Variants in KMO observed in about 807,000 individuals in gnomAD.
KMO encodes the protein kynurenine 3-hydroxylase.
In KMO, 24 loss-of-function variants were observed where a neutral mutation model predicts 57.8. The ratio of observed to expected loss-of-function variants is 0.42; its 90% CI spans 0.30 to 0.58. The LOEUF (loss-of-function observed/expected upper bound fraction) is 0.58, where lower values mean the gene tolerates loss of function less well. Among genes scored for constraint, KMO ranks in the 20% least tolerant of loss-of-function variants. KMO has a pLI of 0.22. For synonymous variants in KMO, 210 were observed against 193.6 expected, an observed-to-expected ratio of 1.08 and a Z score of -0.70; for missense variants, 483 against 588.2, an observed-to-expected ratio of 0.82 and a Z score of 1.85.
At chr1:241,585,788 AAG>A (rs1662953894) in intron 10 of KMO, among the ~76,000 whole-genome samples, 1 of 151,714 alleles carries the variant, frequency 6.6e-6, no homozygotes, top group Non-Finnish European at 1.5e-5. Context: ...AAAAACCAAA[AAG>A]AAAAAAAATC....
intron 1 of KMO, among the ~76,000 whole-genome samples, chr1:241,547,241 T>C (rs61825634): frequency 0.026 from 4,020 of 152,240 alleles, 76 homozygotes; most frequent in Middle Eastern, 0.058. Context: ...AAAAATAAAA[T>C]GACTATTGTA....
intron 10 of KMO, among the ~76,000 whole-genome samples, chr1:241,576,585 C>T (rs1394198707): frequency 1.3e-5 from 2 of 152,062 alleles, no homozygotes; most frequent in African/African-American, 4.8e-5. Flanking sequence ...AAGACAGGAC[C>T]CCAGTCCTTG....
chr1:241,538,938 C>T (rs1660849146), intron 1 of KMO, among the ~76,000 whole-genome samples: 2 of 152,204 alleles, frequency 1.3e-5, no homozygotes, highest in South Asian at 4.1e-4. Context: ...GATTATTTCC[C>T]TTCTGTCCAT....
intron 11 of KMO, 93 bp downstream of exon 11, chr1:241,586,829 T>TCATTGA: frequency 4.7e-6 from 4 of 842,520 alleles, no homozygotes; most frequent in Non-Finnish European, 7.7e-6. Context: ...AAACCTGTGA[T>TCATTGA]GTATAATGTA....
intron 10 of KMO, among the ~76,000 whole-genome samples, chr1:241,571,864 C>CTTTTTT (rs34450394): frequency 1.3e-4 from 13 of 96,508 alleles, no homozygotes; most frequent in East Asian, 6.8e-4. Context: ...ATATTAGTTC[C>CTTTTTT]TTTTTTTTTT....
At chr1:241,588,337 T>C (rs960389771) in intron 11 of KMO, among the ~76,000 whole-genome samples, 73 of 136,640 alleles carry the variant, frequency 5.3e-4, no homozygotes, top group South Asian at 2.1e-3. Flanking sequence ...TTCTTTTTTT[T>C]TTTTTTTTTT....
chr1:241,535,523 C>T (rs1338231395), intron 1 of KMO, among the ~76,000 whole-genome samples: 1 of 152,124 alleles, frequency 6.6e-6, no homozygotes, highest in Non-Finnish European at 1.5e-5. Context: ...TTGGGTTAAA[C>T]CAGTTGATTT....
At chr1:241,541,650 G>T (rs1660962124) in intron 1 of KMO, among the ~76,000 whole-genome samples, 1 of 152,122 alleles carries the variant, frequency 6.6e-6, no homozygotes. Context: ...ACAGATTAGA[G>T]AACTCAGGGT....
At chr1:241,591,720 T>A (rs755994558) in intron 14 of KMO, among the ~76,000 whole-genome samples, 2 of 152,192 alleles carry the variant, frequency 1.3e-5, no homozygotes, top group East Asian at 3.9e-4. Flanking sequence ...ATTTTTTTCA[T>A]ACAGAAGACC....
At chr1:241,545,637 C>G (rs1307916868) in intron 1 of KMO, among the ~76,000 whole-genome samples, 1 of 152,132 alleles carries the variant, frequency 6.6e-6, no homozygotes, top group African/African-American at 2.4e-5. Flanking sequence ...GATCCTATCT[C>G]CAAATAATGT....
rs1663461496 is a variant in KMO at position 241,595,107 on chromosome 1, T to C, written c.*2954T>C. On this transcript the variant is annotated 3_prime_UTR_variant, in exon 15 of 15. Coordinates refer to ENST00000366559, the MANE Select transcript of KMO (RefSeq NM_003679.5). ...ACAGATAAGGCTCTTCCTGGCAGAG[T>C]TTACAGCCTGGTGTACTTGCTAATG... 1 of 156,766 alleles carries C rather than the reference T, an allele frequency of 6.4e-6. No individual in the cohort carries two copies. Among genetic ancestry groups the C allele is most frequent in the South Asian group, 2.0e-4 (1 of 5,028 alleles). 9.7% of individuals were successfully genotyped at this position (156,766 alleles called of 1,614,324 possible). A position where few individuals can be genotyped will look rare whatever the true frequency, so the allele number is the denominator to read the frequency against.
rs1415832848 is a variant in KMO at position 241,594,547 on chromosome 1, C to CT, written c.*2400dup. The CT allele has an allele frequency of 6.2e-7, 1 of 1,614,124 alleles. No homozygotes were observed. Among genetic ancestry groups the CT allele is most frequent in the East Asian group, 2.2e-5 (1 of 44,880 alleles). On this transcript the variant is annotated 3_prime_UTR_variant, in exon 15 of 15. Transcript: ENST00000366559. Reference sequence around the variant, plus strand: ...ATGATGGAAGAAGAGTTGAAAGTCACTTTTTTCTTTGGCCTGTCCCCATCT... The same window carrying CT: ...ATGATGGAAGAAGAGTTGAAAGTCACTTTTTTTCTTTGGCCTGTCCCCATCT...
At chr1:241,586,759 C>G in intron 11 of KMO, 23 bp downstream of exon 11, 1 of 1,552,948 alleles carries the variant, frequency 6.4e-7, no homozygotes. Flanking sequence ...AATTTCTCAA[C>G]TGGACATGTA....
intron 7 of KMO, among the ~76,000 whole-genome samples, chr1:241,562,735 A>T (rs916654102): frequency 6.6e-6 from 1 of 152,136 alleles, no homozygotes; most frequent in Non-Finnish European, 1.5e-5. Context: ...GCTACTCGTG[A>T]GGCTGAGGTG....
In KMO at chr1:241,588,396, GA is replaced by G. The variant is rs1663104298; in HGVS notation, c.1016-351del. 4.7e-5 allele frequency among the ~76,000 whole-genome samples: 6 copies of G among 128,522 alleles called. No homozygotes were observed. The South Asian group carries it at 1.5e-3, about 32-fold the overall frequency. The allele number at this position is 128,522 out of a possible 152,430, so 84.3% of individuals were successfully genotyped here. ...CTCTCTCAGATGCTCAGGAGCCAGA[GA>G]TATTTTGTTTCCTCCTTTCCTTGTG... On this transcript the variant is annotated intron_variant, in intron 11 of 14. Coordinates refer to ENST00000366559, the MANE Select transcript of KMO (RefSeq NM_003679.5).
chr1:241,556,539 A>G (rs1661630608), intron 5 of KMO, among the ~76,000 whole-genome samples: 1 of 152,204 alleles, frequency 6.6e-6, no homozygotes, highest in Non-Finnish European at 1.5e-5. Flanking sequence ...TCACACTCTA[A>G]TGGAACGACA....
chr1:241,553,546 G>A (rs993026421), intron 4 of KMO, among the ~76,000 whole-genome samples: 1 of 151,958 alleles, frequency 6.6e-6, no homozygotes, highest in Non-Finnish European at 1.5e-5. Flanking sequence ...AAATTAGCCG[G>A]GCATGGTGGC....
At chr1:241,584,607 T>A (rs1408750085) in intron 10 of KMO, among the ~76,000 whole-genome samples, 7 of 103,440 alleles carry the variant, frequency 6.8e-5, no homozygotes, top group Admixed American at 1.9e-4. Flanking sequence ...AGAAATAGCG[T>A]TTAAAAGTTG....
At chr1:241,562,511 G>A (rs1181147351) in intron 7 of KMO, among the ~76,000 whole-genome samples, 179 bp downstream of exon 7, 1 of 152,190 alleles carries the variant, frequency 6.6e-6, no homozygotes, top group African/African-American at 2.4e-5. Context: ...ACGATTCTCA[G>A]TCCTTCCTTG....
Sources: allele counts gnomAD v4.1 joint callset (sites outside exome capture counted in the v4.1 genomes callset), GRCh38; gene constraint gnomAD v4.1.1; transcripts MANE v1.5; gene names NCBI Gene and HGNC (gene_info 2026-07-23, HGNC 2026-07-21).